The following RALGAPA1 variants were observed in gnomAD, a reference collection of about 807,000 sequenced individuals.
RALGAPA1 encodes Ral GTPase activating protein catalytic subunit alpha 1.
Under a neutral mutation model 269.6 loss-of-function variants are expected in RALGAPA1, and 52 were observed. The observed-to-expected ratio is 0.19, with a 90% CI of 0.15 to 0.24. The LOEUF is 0.24. RALGAPA1 is among the 10% of genes least tolerant of loss of function. The probability of loss-of-function intolerance (pLI) is 1.00; values close to 1 mark genes in which losing one functional copy is unlikely to be tolerated. For synonymous variants in RALGAPA1, 817 were observed against 1,008.3 expected (o/e 0.81, Z 3.60); for missense variants, 1,917 against 3,013.9 (o/e 0.64, Z 8.52).
intron 1 of RALGAPA1, among the ~76,000 whole-genome samples, chr14:35,808,227 T>C (rs1427711971): frequency 6.6e-6 from 1 of 152,170 alleles, no homozygotes; most frequent in South Asian, 2.1e-4. Context: ...CAAGGTGCAT[T>C]AACAAAAGGG....
chr14:35,634,310 A>T (rs2061536656), intron 33 of RALGAPA1, among the ~76,000 whole-genome samples: 1 of 152,216 alleles, frequency 6.6e-6, no homozygotes, highest in Admixed American at 6.5e-5. Context: ...AGGTGAAAAA[A>T]TCCAAAATCT....
At chr14:35,622,355 G>A (rs1004282540) in intron 35 of RALGAPA1, among the ~76,000 whole-genome samples, 2 of 152,070 alleles carry the variant, frequency 1.3e-5, no homozygotes, top group Non-Finnish European at 2.9e-5. Context: ...CACACATTGG[G>A]GCCTGTTGGG....
chr14:35,605,055 A>G (rs1393647855), intron 36 of RALGAPA1, among the ~76,000 whole-genome samples: 2 of 152,148 alleles, frequency 1.3e-5, no homozygotes, highest in African/African-American at 4.8e-5. Flanking sequence ...ACTTTCTCCT[A>G]AAAGTATACC....
intron 6 of RALGAPA1, 129 bp from the exon 7 acceptor site, chr14:35,757,037 T>C: frequency 1.8e-6 from 1 of 570,354 alleles, no homozygotes; most frequent in East Asian, 4.5e-5. Flanking sequence ...TAATGACTGA[T>C]CCTTGAAATA....
chr14:35,683,747 A>G (rs2065669645), intron 21 of RALGAPA1, 62 bp downstream of exon 21: 3 of 1,301,660 alleles, frequency 2.3e-6, no homozygotes, highest in East Asian at 2.4e-5. Flanking sequence ...CAAAATTTTA[A>G]TCAAATTCTT....
chr14:35,801,488 G>A (rs573903315), intron 1 of RALGAPA1, among the ~76,000 whole-genome samples: 7 of 152,004 alleles, frequency 4.6e-5, no homozygotes, highest in South Asian at 2.1e-4. Context: ...GGCTGGTCTC[G>A]AACTCCTGAC....
intron 1 of RALGAPA1, among the ~76,000 whole-genome samples, chr14:35,791,742 T>C (rs1471712436): frequency 6.7e-6 from 1 of 148,684 alleles, no homozygotes; most frequent in Non-Finnish European, 1.5e-5. Context: ...CCGTCTTTAC[T>C]AAAAATACAA....
At chr14:35,690,461 AG>A (rs1451175277) in intron 17 of RALGAPA1, among the ~76,000 whole-genome samples, 2 of 152,228 alleles carry the variant, frequency 1.3e-5, no homozygotes, top group African/African-American at 2.4e-5. Flanking sequence ...AAAAGGCAAG[AG>A]GCATCTTTTC....
In RALGAPA1 at chr14:35,594,250, C is replaced by T. The variant is rs150979404; in HGVS notation, c.7209+1384G>A. 4.2e-3 allele frequency among the ~76,000 whole-genome samples: 632 copies of T among 152,070 alleles called. 1 individual carries two copies. Among genetic ancestry groups the T allele is most frequent in the Middle Eastern group, 0.02 (6 of 294 alleles). Reference sequence around the variant, plus strand: ...GACATCACACCAAAAGCTCAGGCTACAAATACAAAAATAAATAAATGGTAC... The same window carrying T: ...GACATCACACCAAAAGCTCAGGCTATAAATACAAAAATAAATAAATGGTAC... On this transcript the variant is annotated intron_variant, in intron 37 of 41. Transcript: ENST00000680220.
At chr14:35,602,526 T>C (rs974177933) in intron 36 of RALGAPA1, among the ~76,000 whole-genome samples, 1 of 152,212 alleles carries the variant, frequency 6.6e-6, no homozygotes, top group African/African-American at 2.4e-5. Flanking sequence ...TGTGAAATGA[T>C]ACCTACTATG....
At chr14:35,751,116 C>T (rs1033119324) in intron 8 of RALGAPA1, among the ~76,000 whole-genome samples, 7 of 152,252 alleles carry the variant, frequency 4.6e-5, no homozygotes, top group East Asian at 1.9e-4. Flanking sequence ...AATTTACCTA[C>T]GGACTACCAA....
intron 31 of RALGAPA1, among the ~76,000 whole-genome samples, chr14:35,637,393 T>A (rs972407027): frequency 7.2e-5 from 11 of 152,154 alleles, no homozygotes; most frequent in African/African-American, 2.6e-4. Context: ...AAGAACCAAG[T>A]AGAAATTCTG....
intron 1 of RALGAPA1, among the ~76,000 whole-genome samples, chr14:35,781,107 C>T (rs1453881891): frequency 3.9e-5 from 6 of 152,130 alleles, no homozygotes; most frequent in African/African-American, 1.4e-4. Flanking sequence ...ACTTGACAAA[C>T]TGTCAGCTAG....
chr14:35,798,816 C>T lies in RALGAPA1; in HGVS notation c.106+9914G>A, dbSNP rs145740040. Among the ~76,000 whole-genome samples the T allele has an allele frequency of 5.7e-3, 866 of 152,020 alleles. 20 individuals carry two copies. Among genetic ancestry groups the T allele is most frequent in the Admixed American group, 0.032 (482 of 15,274 alleles). On this transcript the variant is annotated intron_variant, in intron 1 of 41. Transcript: ENST00000680220. ...ACCAGTCTGGCCAACAAGGCAAAAC[C>T]CATCTCTACTAAAAATACTAAAAAA...
intron 35 of RALGAPA1, among the ~76,000 whole-genome samples, chr14:35,617,650 G>T (rs1268256683): frequency 2.9e-5 from 2 of 68,206 alleles, no homozygotes; most frequent in Non-Finnish European, 5.8e-5. Context: ...GGGGGGGGGG[G>T]GGAAGGGGGT....
At chr14:35,614,790 C>G (rs1475143766) in intron 35 of RALGAPA1, among the ~76,000 whole-genome samples, 1 of 151,982 alleles carries the variant, frequency 6.6e-6, no homozygotes, top group East Asian at 1.9e-4. Context: ...AAAAAAAACT[C>G]AGTGTTTTTG....
intron 16 of RALGAPA1, among the ~76,000 whole-genome samples, chr14:35,701,567 C>T (rs1018284130): frequency 2.0e-5 from 3 of 152,118 alleles, no homozygotes; most frequent in African/African-American, 4.8e-5. Context: ...TTGTATGTTG[C>T]TAATTTCCTT....
intron 39 of RALGAPA1, among the ~76,000 whole-genome samples, chr14:35,561,506 G>GTTTT (rs750062810): frequency 5.5e-5 from 4 of 72,918 alleles, no homozygotes; most frequent in Non-Finnish European, 7.5e-5. Context: ...TAATATAGGA[G>GTTTT]TTTTTTTTTT....
chr14:35,727,977 A>T (rs2070122588), intron 13 of RALGAPA1, among the ~76,000 whole-genome samples: 1 of 152,252 alleles, frequency 6.6e-6, no homozygotes, highest in African/African-American at 2.4e-5. Flanking sequence ...GACGGTATAC[A>T]GCTCTGAATG....
Sources: gnomAD v4.1 joint callset for allele counts (sites outside exome capture counted in the v4.1 genomes callset) on GRCh38, gnomAD v4.1.1 for gene constraint, MANE v1.5 for transcripts, NCBI Gene and HGNC (gene_info 2026-07-23, HGNC 2026-07-21) for gene names.